Variants in DPYSL5 observed in about 807,000 individuals in gnomAD.
DPYSL5 encodes dihydropyrimidinase like 5, also known as dihydropyrimidinase-related protein 5.
A neutral mutation model predicts 58.4 loss-of-function variants in DPYSL5; 9 were observed. The observed-to-expected ratio is 0.15, with a 90% CI of 0.09 to 0.27. The LOEUF (loss-of-function observed/expected upper bound fraction) is 0.27, where lower values mean the gene tolerates loss of function less well. DPYSL5 is among the 10% of genes least tolerant of loss of function. The pLI is 1.00. For missense variants in DPYSL5, 499 were observed against 770.6 expected (o/e 0.65, Z 4.17); for synonymous variants, 293 against 301.9 (o/e 0.97, Z 0.31).
At position 26,928,239 on chromosome 2, in the gene DPYSL5, T is replaced by A. The variant is rs1478831095; in HGVS notation, c.601-16T>A. 3.7e-6 allele frequency: 6 copies of A among 1,613,674 alleles called. No homozygotes were observed. Among genetic ancestry groups the A allele is most frequent in the Non-Finnish European group, 4.2e-6 (5 of 1,179,724 alleles). On this transcript the variant is annotated splice_polypyrimidine_tract_variant and intron_variant, in intron 4 of 12. Transcript: ENST00000288699. ...TCTGTGATTCTCTCCATTTTCTTTCTCTTGCTGTTATCCAGGGTGCTAAGG... is the reference window on the plus strand; with the variant it reads ...TCTGTGATTCTCTCCATTTTCTTTCACTTGCTGTTATCCAGGGTGCTAAGG...
chr2:26,882,090 CAA>C (rs752138649), intron 1 of DPYSL5, among the ~76,000 whole-genome samples: 7 of 41,062 alleles, frequency 1.7e-4, no homozygotes, highest in Admixed American at 2.7e-4. Flanking sequence ...GACTCCATCT[CAA>C]AAAAAAAAAA....
rs4665925 is a variant in DPYSL5, at chr2:26,924,638, C to T, written c.262-249C>T. Among the ~76,000 whole-genome samples the T allele has an allele frequency of 0.017, 2,651 of 152,230 alleles. 259 individuals are homozygous for T. The highest frequency in any genetic ancestry group is 0.15 in the Admixed American group (2,358 of 15,288). ...GTGACCCACGATGTGGTTTTTCCAGCGCGCCAAGCTGAAACCCTGGCGGAG... is the reference window on the plus strand; with the variant it reads ...GTGACCCACGATGTGGTTTTTCCAGTGCGCCAAGCTGAAACCCTGGCGGAG... On this transcript the variant is annotated intron_variant, in intron 2 of 12. Transcript: ENST00000288699. The surrounding 1 kb of genome is among the most constrained non-coding windows in gnomAD (Gnocchi z 4.7).
Position 26,942,026 on chromosome 2 carries a change from C to A in DPYSL5, c.1166C>A (p.Pro389His). ...SNAAKLLNLYPRKGRIIPGAD... is the reference protein window; with the variant it reads ...SNAAKLLNLYHRKGRIIPGAD... Reference sequence around the variant, plus strand: ...GCAGCTAAGCTTCTGAACCTGTATCCCCGCAAGGGCCGCATTATTCCCGGA... The same window carrying A: ...GCAGCTAAGCTTCTGAACCTGTATCACCGCAAGGGCCGCATTATTCCCGGA... Residue 389 changes from proline (P) to histidine (H), a missense_variant, in exon 10 of 13, where the codon CCC (proline) becomes CAC (histidine). By Grantham distance (77) the Pro-to-His change is moderately conservative. Around this residue, in one of 3 missense-constraint regions of DPYSL5, gnomAD observed 404 missense variants for 647.6 expected, o/e 0.62. Coordinates refer to ENST00000288699, the MANE Select transcript of DPYSL5 (RefSeq NM_020134.4). This position sits in a 1 kb window ranked among gnomAD's most constrained non-coding sequence, Gnocchi z 5.9. 1.2e-6 allele frequency: 2 copies of A among 1,614,154 alleles called. No individual in the cohort carries two copies. Among genetic ancestry groups the A allele is most frequent in the Non-Finnish European group, 1.7e-6 (2 of 1,180,040 alleles).
Position 26,947,864 on chromosome 2 carries a change from C to T in DPYSL5, c.*869C>T, listed in dbSNP as rs549437806. The T allele has an allele frequency of 6.5e-6, 1 of 152,976 alleles. No homozygotes were observed. The highest frequency in any genetic ancestry group is 2.4e-5 in the African/African-American group (1 of 41,560). 9.5% of individuals were successfully genotyped at this position (152,976 alleles called of 1,614,324 possible). A position where few individuals can be genotyped will look rare whatever the true frequency, so the allele number is the denominator to read the frequency against. The stretch of plus-strand genomic sequence containing the variant: ...GAGGGGGCTGGGCTCACAGGCCTCT[C>T]TTTTCCCCGCCTGCAGTCTTCTGGG... On this transcript the variant is annotated 3_prime_UTR_variant, in exon 13 of 13. Transcript: ENST00000288699. This position sits in a 1 kb window ranked among gnomAD's most constrained non-coding sequence, Gnocchi z 4.2.
At chr2:26,918,885 G>T (rs1182274676) in intron 2 of DPYSL5, among the ~76,000 whole-genome samples, 1 of 152,282 alleles carries the variant, frequency 6.6e-6, no homozygotes, top group South Asian at 2.1e-4. Flanking sequence ...TAGCCCAAGT[G>T]CCTTCTCAAT....
rs770904876 is a variant in DPYSL5 at position 26,934,581 on chromosome 2, A to G, written c.794A>G (p.Lys265Arg). ...DVIAAAKMQG[K>R]VVLAETTTAH... is the part of the protein sequence containing the mutation. ...GTTCTGACCTTTCTTCTTCCAGGGA[A>G]GGTTGTGCTGGCGGAGACCACCACT... Residue 265 changes from lysine to arginine, a missense_variant, in exon 8 of 13, where the codon AAG becomes AGG. By Grantham distance (26) the Lys-to-Arg change is conservative. Transcript: ENST00000288699. This position sits in a 1 kb window ranked among gnomAD's most constrained non-coding sequence, Gnocchi z 4.3. 9.3e-6 allele frequency: 15 copies of G among 1,611,998 alleles called. No individual in the cohort carries two copies. The highest frequency in any genetic ancestry group is 1.3e-5 in the Non-Finnish European group (15 of 1,179,598).
chr2:26,897,207 C>G (rs1664043729), intron 1 of DPYSL5, among the ~76,000 whole-genome samples: 1 of 152,184 alleles, frequency 6.6e-6, no homozygotes, highest in Non-Finnish European at 1.5e-5. Flanking sequence ...CCTACGTTGC[C>G]TAGCACTGGC....
Position 26,925,102 on chromosome 2 carries a change from G to A in DPYSL5, c.420+57G>A, listed in dbSNP as rs1477079282. 7.6e-6 allele frequency: 12 copies of A among 1,584,678 alleles called. No homozygotes were observed. In the Admixed American group the frequency reaches 1.9e-4, roughly 25 times the overall value. On this transcript the variant is annotated intron_variant, in intron 3 of 12. Coordinates refer to ENST00000288699, the MANE Select transcript of DPYSL5 (RefSeq NM_020134.4). This position sits in a 1 kb window ranked among gnomAD's most constrained non-coding sequence, Gnocchi z 4.5. ...CACAAGTGGTCTTGTAGGCAGAGGG[G>A]CTGGTTGGGGTGCAGTGCCTCCTGC... is the stretch of plus-strand genomic sequence containing the variant.
At chr2:26,862,459 G>A (rs1220866048) in intron 1 of DPYSL5, among the ~76,000 whole-genome samples, 1 of 152,170 alleles carries the variant, frequency 6.6e-6, no homozygotes, top group African/African-American at 2.4e-5. Flanking sequence ...ATCTACTTGG[G>A]TCTATAGGGA....
chr2:26,946,769 TC>T (rs3835821), intron 12 of DPYSL5, 140 bp from the exon 13 acceptor site: 375,508 of 625,288 alleles, frequency 0.6, 114,958 homozygotes, highest in East Asian at 0.69. Flanking sequence ...TGAGCCTCTG[TC>T]TCCTCATCTA....
rs1450656049 is a variant in DPYSL5 at position 26,948,942 on chromosome 2, C to T, written c.*1947C>T. 6.6e-6 allele frequency: 1 copy of T among 152,246 alleles called. No homozygotes were observed. The highest frequency in any genetic ancestry group is 1.5e-5 in the Non-Finnish European group (1 of 68,044). The allele number at this position is 152,246 out of a possible 1,614,324, so 9.4% of individuals were successfully genotyped here. Reference sequence around the variant, plus strand: ...CAAACCACTTCCGTATATGACCTCTCACTTAGTCCTCATGACAATGGAGCA... The same window carrying T: ...CAAACCACTTCCGTATATGACCTCTTACTTAGTCCTCATGACAATGGAGCA... On this transcript the variant is annotated 3_prime_UTR_variant, in exon 13 of 13. Transcript: ENST00000288699.
chr2:26,879,451 T>A (rs1269716863), intron 1 of DPYSL5, among the ~76,000 whole-genome samples: 1 of 133,170 alleles, frequency 7.5e-6, no homozygotes, highest in East Asian at 2.3e-4. Context: ...CAAAACCCTA[T>A]CTCTATTTGA....
At chr2:26,878,530 G>T (rs1663469184) in intron 1 of DPYSL5, among the ~76,000 whole-genome samples, 1 of 151,984 alleles carries the variant, frequency 6.6e-6, no homozygotes, top group Admixed American at 6.6e-5. Context: ...ATGGTTTCCG[G>T]CTTTGGATTA....
intron 1 of DPYSL5, among the ~76,000 whole-genome samples, chr2:26,864,648 A>G (rs182293724): frequency 3.9e-5 from 6 of 152,326 alleles, no homozygotes; most frequent in Admixed American, 3.9e-4. Context: ...GATGCAGCAG[A>G]GATCTTCACT....
chr2:26,931,152 A>AAAAT (rs1209140758), intron 5 of DPYSL5, among the ~76,000 whole-genome samples: 2 of 48,804 alleles, frequency 4.1e-5, no homozygotes, highest in African/African-American at 1.3e-4. Flanking sequence ...AAAAAAAAAA[A>AAAAT]ATATATATAT....
At chr2:26,892,379 A>T (rs567850505) in intron 1 of DPYSL5, among the ~76,000 whole-genome samples, 3 of 152,216 alleles carry the variant, frequency 2.0e-5, no homozygotes, top group African/African-American at 7.2e-5. Flanking sequence ...ATTCTCAGTA[A>T]GCTATTATCA....
chr2:26,917,356 C>T (rs568671013), intron 2 of DPYSL5, among the ~76,000 whole-genome samples: 2 of 152,308 alleles, frequency 1.3e-5, no homozygotes, highest in African/African-American at 2.4e-5. Context: ...AGGGAAAAAC[C>T]TGTCAGCTTC....
intron 2 of DPYSL5, among the ~76,000 whole-genome samples, chr2:26,917,580 A>G (rs909338986): frequency 2.0e-5 from 3 of 152,130 alleles, no homozygotes; most frequent in East Asian, 1.9e-4. Context: ...GGGGGTCAGC[A>G]TGCAAGCTGC....
At chr2:26,906,806 G>A (rs1572699724) in intron 2 of DPYSL5, among the ~76,000 whole-genome samples, 1 of 152,136 alleles carries the variant, frequency 6.6e-6, no homozygotes, top group African/African-American at 2.4e-5. Flanking sequence ...TGTCACCCAG[G>A]CTGGAGCGTA....
Sources: allele counts gnomAD v4.1 joint callset (sites outside exome capture counted in the v4.1 genomes callset), GRCh38; gene constraint gnomAD v4.1.1; regional missense constraint gnomAD v4.1.1; non-coding constraint Gnocchi (gnomAD v3.1); transcripts MANE v1.5; gene names NCBI Gene and HGNC (gene_info 2026-07-23, HGNC 2026-07-21).